DMXL1: variants seen among roughly 807,000 people sequenced by gnomAD.
DMXL1 encodes the protein dmX-like protein 1.
Under a neutral mutation model 319.2 loss-of-function variants are expected in DMXL1, and 99 were observed. The ratio of observed to expected loss-of-function variants is 0.31; its 90% CI spans 0.26 to 0.37. DMXL1 has a LOEUF of 0.37. Among genes scored for constraint, DMXL1 ranks in the 10% least tolerant of loss-of-function variants. The probability of loss-of-function intolerance (pLI) is 1.00; values close to 1 mark genes in which losing one functional copy is unlikely to be tolerated. For missense variants in DMXL1, 3,745 were observed against 3,595.6 expected (o/e 1.04, Z -1.06); for synonymous variants, 1,385 against 1,235.2 (o/e 1.12, Z -2.54).
In DMXL1 at chr5:119,150,362, T is replaced by C. The variant is rs1360646187; in HGVS notation, c.4535T>C (p.Leu1512Ser). ...SRMEQMSLMA[L>S]ADTIATTSTD... Reference sequence around the variant, plus strand: ...ATGGAGCAGATGTCTTTGATGGCCTTAGCAGATACAATTGCAACTACAAGC... The same window carrying C: ...ATGGAGCAGATGTCTTTGATGGCCTCAGCAGATACAATTGCAACTACAAGC... The change falls in exon 18 of 44, where the codon TTA (leucine) becomes TCA (serine). Residue 1512 changes from leucine to serine, a missense_variant. Leu to Ser is a moderately radical substitution (Grantham distance 145, BLOSUM62 -2). Transcript: ENST00000539542. 6.2e-7 allele frequency: 1 copy of C among 1,613,692 alleles called. No homozygotes were observed. Among genetic ancestry groups the C allele is most frequent in the Non-Finnish European group, 8.5e-7 (1 of 1,179,784 alleles).
intron 3 of DMXL1, among the ~76,000 whole-genome samples, chr5:119,102,868 C>G (rs1019366024): frequency 6.6e-6 from 1 of 151,898 alleles, no homozygotes; most frequent in African/African-American, 2.4e-5. Context: ...TGTAAGGGAG[C>G]TAAATGATGA....
At chr5:119,117,805 T>G (rs1761167719) in intron 7 of DMXL1, among the ~76,000 whole-genome samples, 1 of 152,216 alleles carries the variant, frequency 6.6e-6, no homozygotes, top group African/African-American at 2.4e-5. Context: ...CTGTTCTCCC[T>G]TCTGTTCTGC....
At chr5:119,238,077 A>T (rs1363892766) in intron 40 of DMXL1, among the ~76,000 whole-genome samples, 1 of 152,128 alleles carries the variant, frequency 6.6e-6, no homozygotes, top group African/African-American at 2.4e-5. Flanking sequence ...ACCTTGAAAG[A>T]ATATTAACTG....
In DMXL1 at chr5:119,171,832, C is replaced by G. The variant is rs1164376683; in HGVS notation, c.6544C>G (p.Leu2182Val). Residue 2182 changes from leucine to valine, a missense_variant, in exon 25 of 44, where the codon CTC becomes GTC. Physicochemically the swap from Leu to Val is conservative, Grantham distance 32. Transcript: ENST00000539542. ...SPLSEQTSVP[L>V]LFACTANAKT... is the part of the protein sequence containing the mutation. ...TCTGTCAGAGCAAACCTCAGTGCCT[C>G]TCCTCTTTGCTTGTACAGCCAATGC... 2 of 1,613,750 alleles carry G rather than the reference C, an allele frequency of 1.2e-6. No individual in the cohort carries two copies. Among genetic ancestry groups the G allele is most frequent in the African/African-American group, 2.7e-5 (2 of 74,900 alleles).
chr5:119,131,704 A>G (rs1764935889), intron 10 of DMXL1, among the ~76,000 whole-genome samples: 1 of 152,204 alleles, frequency 6.6e-6, no homozygotes, highest in South Asian at 2.1e-4. Context: ...CTTATTTTCC[A>G]GTTTAATATT....
chr5:119,130,176 G>A (rs1764531949), intron 10 of DMXL1, among the ~76,000 whole-genome samples: 1 of 152,008 alleles, frequency 6.6e-6, no homozygotes, highest in Admixed American at 6.6e-5. Flanking sequence ...AATCAAACAG[G>A]TACACAGATA....
intron 2 of DMXL1, among the ~76,000 whole-genome samples, chr5:119,099,400 G>A (rs1001331204): frequency 2.6e-5 from 4 of 151,938 alleles, no homozygotes; most frequent in Non-Finnish European, 5.9e-5. Flanking sequence ...TAGTAGAAAC[G>A]GGGTTTCATC....
At chr5:119,206,464 AAG>A (rs1379646817) in intron 33 of DMXL1, 1 of 155,332 alleles carries the variant, frequency 6.4e-6, no homozygotes, top group African/African-American at 2.4e-5. Flanking sequence ...AGCAGCGAGT[AAG>A]AGAATAATTC....
At chr5:119,081,632 A>G (rs766546021) in intron 1 of DMXL1, 19 of 985,236 alleles carry the variant, frequency 1.9e-5, no homozygotes, top group Non-Finnish European at 2.2e-5. Flanking sequence ...GTTAATGTGA[A>G]GAAGATATAG....
At position 119,102,831 on chromosome 5, in the gene DMXL1, A is replaced by G. The variant is rs145010553; in HGVS notation, c.285+825A>G. Among the ~76,000 whole-genome samples the G allele has an allele frequency of 5.4e-3, 820 of 152,306 alleles. 10 individuals carry two copies. Among genetic ancestry groups the G allele is most frequent in the African/African-American group, 0.019 (773 of 41,568 alleles). On this transcript the variant is annotated intron_variant, in intron 3 of 43. Coordinates refer to ENST00000539542, the MANE Select transcript of DMXL1 (RefSeq NM_001290321.3). Reference sequence around the variant, plus strand: ...ATAAAAGCAAACCGTCTGAAAGAAGATAAGTGTAGTGTCATTGAAAGAGCA... The same window carrying G: ...ATAAAAGCAAACCGTCTGAAAGAAGGTAAGTGTAGTGTCATTGAAAGAGCA...
At chr5:119,104,798 T>A (rs1757976732) in intron 3 of DMXL1, among the ~76,000 whole-genome samples, 1 of 152,206 alleles carries the variant, frequency 6.6e-6, no homozygotes, top group Non-Finnish European at 1.5e-5. Context: ...TTTTCCCACA[T>A]ACTATTATGA....
chr5:119,106,036 ACT>A (rs1263256133), intron 4 of DMXL1, among the ~76,000 whole-genome samples: 11 of 152,184 alleles, frequency 7.2e-5, no homozygotes, highest in African/African-American at 2.4e-4. Flanking sequence ...GGTCAGGAAG[ACT>A]CTGTGGGAAT....
Position 119,203,412 on chromosome 5 carries a change from C to T in DMXL1, c.7839C>T (p.Phe2613=). 1 of 1,601,196 alleles carries T rather than the reference C, an allele frequency of 6.2e-7. No homozygotes were observed. Among genetic ancestry groups the T allele is most frequent in the South Asian group, 1.1e-5 (1 of 89,020 alleles). ...AGGAAACCTTTATCAAAAATATATT[C>T]ACAAAGAAACGGTGTCTAAATGAGG... The part of the protein sequence containing the change: ...EIQETFIKNI[F]TKKRCLNESL... Residue 2613 remains phenylalanine (F), a synonymous_variant, in exon 33 of 44, where the codon TTC becomes TTT. Coordinates refer to ENST00000539542, the MANE Select transcript of DMXL1 (RefSeq NM_001290321.3).
chr5:119,173,776 G>GTATATATATATATATGTATATATATA (rs1775195456), intron 25 of DMXL1, among the ~76,000 whole-genome samples: 1 of 67,170 alleles, frequency 1.5e-5, no homozygotes, highest in Admixed American at 1.7e-4. Flanking sequence ...ATGTGTGTGT[G>GTATATATATATATATGTATATATATA]TATATATATA....
chr5:119,219,920 T>C (rs1414545223), intron 35 of DMXL1, among the ~76,000 whole-genome samples: 5 of 152,070 alleles, frequency 3.3e-5, no homozygotes, highest in Non-Finnish European at 7.4e-5. Flanking sequence ...CATTTAACCT[T>C]AGCAACTTTT....
chr5:119,183,197 CT>C (rs1404037683), intron 28 of DMXL1, among the ~76,000 whole-genome samples: 1 of 152,160 alleles, frequency 6.6e-6, no homozygotes, highest in African/African-American at 2.4e-5. Context: ...AGAAAATCCA[CT>C]TTTTGCTTTT....
In DMXL1 at chr5:119,081,997, TTATATA is replaced by T. The variant is rs144946899; in HGVS notation, c.87+10360_87+10365del. 4.5e-3 allele frequency among the ~76,000 whole-genome samples: 521 copies of T among 116,220 alleles called. 2 individuals carry two copies. Among genetic ancestry groups the T allele is most frequent in the African/African-American group, 0.014 (477 of 34,102 alleles). 76.2% of individuals were successfully genotyped at this position (116,220 alleles called of 152,430 possible). On this transcript the variant is annotated intron_variant, in intron 1 of 43. Transcript: ENST00000539542. ...TTTCCCAGAGGAAGTTTTCTTAAGGTTATATATATATATATATATATATACACACAC... is the reference window on the plus strand; with the variant it reads ...TTTCCCAGAGGAAGTTTTCTTAAGGTTATATATATATATATATACACACAC...
At chr5:119,122,131 G>A (rs1360683354) in intron 9 of DMXL1, among the ~76,000 whole-genome samples, 2 of 124,568 alleles carry the variant, frequency 1.6e-5, no homozygotes, top group Non-Finnish European at 3.3e-5. Flanking sequence ...CTGGCCGGGC[G>A]GGGGGCTGAC....
At chr5:119,188,224 T>A (rs952182865) in intron 28 of DMXL1, among the ~76,000 whole-genome samples, 1 of 152,216 alleles carries the variant, frequency 6.6e-6, no homozygotes, top group African/African-American at 2.4e-5. Flanking sequence ...GTACGTGTTT[T>A]TTTTTCAGAG....
Sources: allele counts gnomAD v4.1 joint callset (sites outside exome capture counted in the v4.1 genomes callset), GRCh38; gene constraint gnomAD v4.1.1; transcripts MANE v1.5; gene names NCBI Gene and HGNC (gene_info 2026-07-23, HGNC 2026-07-21).